SYNPO2: variants seen among roughly 807,000 people sequenced by gnomAD.
SYNPO2 encodes the protein synaptopodin 2, also known as synaptopodin-2.
A neutral mutation model predicts 85.0 loss-of-function variants in SYNPO2; 56 were observed. That is an observed-to-expected ratio of 0.66 (90% CI 0.53 to 0.82). The LOEUF (loss-of-function observed/expected upper bound fraction) is 0.82, where lower values mean the gene tolerates loss of function less well. SYNPO2 is among the 40% of genes least tolerant of loss of function. The pLI, the probability that SYNPO2 is intolerant of heterozygous loss-of-function variation, is 0.00. For missense variants in SYNPO2, 1,575 were observed against 1,534.2 expected (o/e 1.03, Z -0.44); for synonymous variants, 602 against 591.1 (o/e 1.02, Z -0.27).
chr4:118,962,633 G>A (rs945425928), intron 1 of SYNPO2, among the ~76,000 whole-genome samples: 1 of 152,146 alleles, frequency 6.6e-6, no homozygotes, highest in African/African-American at 2.4e-5. Flanking sequence ...GTTGGAAATA[G>A]AGATCATTTT....
At chr4:118,945,152 G>C (rs182728983) in intron 1 of SYNPO2, among the ~76,000 whole-genome samples, 8 of 152,140 alleles carry the variant, frequency 5.3e-5, no homozygotes, top group African/African-American at 1.7e-4. Flanking sequence ...CCTACCAAAA[G>C]TTCCTAGAAT....
In SYNPO2 at chr4:118,961,391, A is replaced by T. The variant is rs554600192; in HGVS notation, c.106-62039A>T. Among the ~76,000 whole-genome samples the T allele has an allele frequency of 3.3e-5, 5 of 151,998 alleles. No individual in the cohort carries two copies. In the East Asian group the frequency reaches 9.7e-4, roughly 29 times the overall value. ...GTCCAGACACGCTGGCTTTTATTTC[A>T]TTCTTCAGACATGCTAAGCTTGCCC... On this transcript the variant is annotated intron_variant, in intron 1 of 4. Coordinates refer to ENST00000307142, the MANE Select transcript of SYNPO2 (RefSeq NM_133477.3).
chr4:118,874,855 G>A (rs1053525398), intron 1 of SYNPO2, among the ~76,000 whole-genome samples: 1 of 152,148 alleles, frequency 6.6e-6, no homozygotes, highest in Non-Finnish European at 1.5e-5. Flanking sequence ...ATACATGACT[G>A]TAGTTTTTTC....
intron 1 of SYNPO2, among the ~76,000 whole-genome samples, chr4:118,872,628 T>C (rs751740324): frequency 1.3e-5 from 2 of 152,164 alleles, no homozygotes; most frequent in Non-Finnish European, 2.9e-5. Context: ...AGACCAGGCA[T>C]TACTCCTCTT....
chr4:118,980,056 A>G (rs1000398939), intron 1 of SYNPO2, among the ~76,000 whole-genome samples: 1 of 152,242 alleles, frequency 6.6e-6, no homozygotes, highest in Non-Finnish European at 1.5e-5. Flanking sequence ...GATACATTGC[A>G]TAGTATATGC....
intron 1 of SYNPO2, among the ~76,000 whole-genome samples, chr4:118,923,683 T>A (rs1733614308): frequency 2.0e-5 from 3 of 152,146 alleles, no homozygotes. Context: ...ACCTGTAGCA[T>A]CTCTTCTAGA....
At chr4:119,052,301 T>TCCTA (rs1287330264) in intron 4 of SYNPO2, among the ~76,000 whole-genome samples, 1 of 152,024 alleles carries the variant, frequency 6.6e-6, no homozygotes. Context: ...GGCAGATGGA[T>TCCTA]CCTAGTAGCT....
chr4:118,995,897 T>A (rs973608151), intron 1 of SYNPO2, among the ~76,000 whole-genome samples: 2 of 151,742 alleles, frequency 1.3e-5, no homozygotes, highest in Non-Finnish European at 2.9e-5. Context: ...TATCTATCTA[T>A]CTATCTATCA....
At chr4:118,888,031 C>T (rs113790073), upstream of SYNPO2, among the ~76,000 whole-genome samples, 1 of 152,014 alleles carries the variant, frequency 6.6e-6, no homozygotes, top group Admixed American at 6.6e-5. Flanking sequence ...TATACAAAAT[C>T]TGCTTTTATA....
intron 1 of SYNPO2, among the ~76,000 whole-genome samples, chr4:119,018,714 A>G (rs1247860188): frequency 6.6e-6 from 1 of 152,172 alleles, no homozygotes; most frequent in Non-Finnish European, 1.5e-5. Context: ...GGGTACAAAA[A>G]TACAATTAGA....
At chr4:118,900,703 C>CTCTCTCTATATATATA (rs1277981772) in intron 1 of SYNPO2, among the ~76,000 whole-genome samples, 49 of 43,846 alleles carry the variant, frequency 1.1e-3, no homozygotes, top group East Asian at 1.5e-3. Flanking sequence ...CTCTCTCTCT[C>CTCTCTCTATATATATA]TATATATATA....
At chr4:118,978,419 A>G (rs1481097114) in intron 1 of SYNPO2, among the ~76,000 whole-genome samples, 8 of 152,252 alleles carry the variant, frequency 5.3e-5, no homozygotes, top group Non-Finnish European at 1.5e-5. Flanking sequence ...AGTGCAGTAA[A>G]ACACAAAAGA....
intron 1 of SYNPO2, among the ~76,000 whole-genome samples, chr4:119,007,668 T>A (rs1472180808): frequency 6.6e-6 from 1 of 152,172 alleles, no homozygotes; most frequent in African/African-American, 2.4e-5. Context: ...GGCCTTGGTC[T>A]TCATGTTTAT....
intron 1 of SYNPO2, among the ~76,000 whole-genome samples, chr4:118,949,956 A>G (rs926968798): frequency 5.9e-5 from 9 of 152,152 alleles, no homozygotes; most frequent in African/African-American, 1.7e-4. Context: ...GTCTTTATGA[A>G]GCTTACAAAA....
At position 119,030,585 on chromosome 4, in the gene SYNPO2, T is replaced by C; in HGVS notation, c.1810T>C (p.Ser604Pro). The change falls in exon 4 of 5, where the codon TCG becomes CCG. Residue 604 changes from serine to proline, a missense_variant. By Grantham distance (74) the Ser-to-Pro change is moderately conservative. Around this residue, in one of 3 missense-constraint regions of SYNPO2, gnomAD observed 1,508 missense variants for 1,446.8 expected, o/e 1.04. Coordinates refer to ENST00000307142, the MANE Select transcript of SYNPO2 (RefSeq NM_133477.3). ...TGTGAATCAGCCAGCTACCCCCTTC[T>C]CGCCAACCCGAAACATGACGAGTCC... Reference protein sequence around the residue: ...GSVNQPATPFSPTRNMTSPIA... With the variant: ...GSVNQPATPFPPTRNMTSPIA... 1 of 1,614,002 alleles carries C rather than the reference T, an allele frequency of 6.2e-7. No individual in the cohort carries two copies.
At chr4:118,908,413 ATAT>A (rs1159193390) in intron 1 of SYNPO2, among the ~76,000 whole-genome samples, 1 of 152,202 alleles carries the variant, frequency 6.6e-6, no homozygotes, top group African/African-American at 2.4e-5. Context: ...ACATTTTAAA[ATAT>A]TAATAGTGAT....
At chr4:118,934,516 C>T (rs894792890) in intron 1 of SYNPO2, among the ~76,000 whole-genome samples, 4 of 152,180 alleles carry the variant, frequency 2.6e-5, no homozygotes, top group Non-Finnish European at 2.9e-5. Context: ...CCAACCCAAT[C>T]ACTGTAGCCA....
intron 1 of SYNPO2, among the ~76,000 whole-genome samples, chr4:119,000,513 C>G (rs936204993): frequency 2.0e-5 from 3 of 152,198 alleles, no homozygotes; most frequent in Non-Finnish European, 2.9e-5. Context: ...ACGAGTAATA[C>G]AACCCCAGGG....
chr4:119,057,251 C>A, intron 4 of SYNPO2, 150 bp from the exon 5 acceptor site: 1 of 926,494 alleles, frequency 1.1e-6, no homozygotes, highest in Non-Finnish European at 1.5e-6. Flanking sequence ...CATGTCCTGG[C>A]TTTAAGACTA....
Sources: gnomAD v4.1 joint callset for allele counts (sites outside exome capture counted in the v4.1 genomes callset) on GRCh38, gnomAD v4.1.1 for gene constraint, gnomAD v4.1.1 regional missense constraint, MANE v1.5 for transcripts, NCBI Gene and HGNC (gene_info 2026-07-23, HGNC 2026-07-21) for gene names.